The following AGAP1 variants were observed in gnomAD, a reference collection of about 807,000 sequenced individuals.
AGAP1 encodes the protein arf-GAP with GTPase, ANK repeat and PH domain-containing protein 1.
In AGAP1, 29 loss-of-function variants were observed where a neutral mutation model predicts 105.3. The observed-to-expected ratio is 0.28, with a 90% CI of 0.21 to 0.38. The LOEUF (loss-of-function observed/expected upper bound fraction) is 0.38. Among genes scored for constraint, AGAP1 ranks in the 10% least tolerant of loss-of-function variants. The probability of loss-of-function intolerance (pLI) is 1.00; values close to 1 mark genes in which losing one functional copy is unlikely to be tolerated. For synonymous variants in AGAP1, 509 were observed against 485.9 expected, an observed-to-expected ratio of 1.05 and a Z score of -0.63; for missense variants, 998 against 1,165.1, an observed-to-expected ratio of 0.86 and a Z score of 2.09.
intron 12 of AGAP1, among the ~76,000 whole-genome samples, chr2:235,939,549 C>T (rs2053158131): frequency 6.7e-6 from 1 of 148,586 alleles, no homozygotes; most frequent in African/African-American, 2.5e-5. Context: ...TTCTATTCTC[C>T]TTCTCACCAC....
intron 6 of AGAP1, among the ~76,000 whole-genome samples, chr2:235,780,026 G>A (rs561152993): frequency 9.2e-5 from 14 of 152,248 alleles, no homozygotes; most frequent in Non-Finnish European, 1.5e-4. Flanking sequence ...TTGATGAAGC[G>A]GTTCATGCAA....
At chr2:235,589,650 T>G (rs1177970352) in intron 1 of AGAP1, among the ~76,000 whole-genome samples, 1 of 152,164 alleles carries the variant, frequency 6.6e-6, no homozygotes, top group African/African-American at 2.4e-5. Flanking sequence ...ATTTTAAAAT[T>G]ATTCTGGATG....
intron 1 of AGAP1, among the ~76,000 whole-genome samples, chr2:235,534,342 G>C (rs1392921218): frequency 6.6e-6 from 1 of 152,200 alleles, no homozygotes; most frequent in Admixed American, 6.5e-5. Context: ...TCGCTGCTGT[G>C]ATGATAGGGG....
chr2:235,777,092 C>T lies in AGAP1; in HGVS notation c.674-20667C>T. 1 of 470,454 alleles carries T rather than the reference C, an allele frequency of 2.1e-6. No individual in the cohort carries two copies. The allele number at this position is 470,454 out of a possible 1,614,324, so 29.1% of individuals were successfully genotyped here. On this transcript the variant is annotated intron_variant, in intron 6 of 17. Coordinates refer to ENST00000304032, the MANE Select transcript of AGAP1 (RefSeq NM_001037131.3). This position sits in a 1 kb window ranked among gnomAD's most constrained non-coding sequence, Gnocchi z 5.1. ...ACAGAAGTGATGCTGGGCGCGGTGG[C>T]TCATGCCTGTAATTCCAGCACTTTG...
At chr2:235,573,055 TTCTTCTTTC>T in intron 1 of AGAP1, among the ~76,000 whole-genome samples, 1 of 13,852 alleles carries the variant, frequency 7.2e-5, no homozygotes, top group Non-Finnish European at 1.2e-4. Context: ...CTTCTTCTTC[TTCTTCTTTC>T]TTCTTTCTTC....
rs1668407201 is a variant in AGAP1, at chr2:236,003,468, C to CA, written c.1646-33093_1646-33092insA. On this transcript the variant is annotated intron_variant, in intron 13 of 17. Transcript: ENST00000304032. This position sits in a 1 kb window ranked among gnomAD's most constrained non-coding sequence, Gnocchi z 4.2. ...CCACCTCTGTGTGTGGTCGCACGTC[C>CA]TCCTCATGGCCACGCTGGGATGGAG... is the stretch of plus-strand genomic sequence containing the variant. Among the ~76,000 whole-genome samples the CA allele has an allele frequency of 6.6e-6, 1 of 152,214 alleles. No homozygotes were observed. Among genetic ancestry groups the CA allele is most frequent in the African/African-American group, 2.4e-5 (1 of 41,450 alleles).
chr2:235,864,273 C>A lies in AGAP1; in HGVS notation c.1051-19072C>A, dbSNP rs2049055522. ...TGTAGTCCCGTGAACTCTGCATTTTCGCAGAATGCCCCCATCATGTGAAGG... is the reference window on the plus strand; with the variant it reads ...TGTAGTCCCGTGAACTCTGCATTTTAGCAGAATGCCCCCATCATGTGAAGG... On this transcript the variant is annotated intron_variant, in intron 9 of 17. Coordinates refer to ENST00000304032, the MANE Select transcript of AGAP1 (RefSeq NM_001037131.3). The surrounding 1 kb of genome is among the most constrained non-coding windows in gnomAD (Gnocchi z 5.0). Among the ~76,000 whole-genome samples, 1 of 152,192 alleles carries A rather than the reference C, an allele frequency of 6.6e-6. No individual in the cohort carries two copies. The highest frequency in any genetic ancestry group is 2.4e-5 in the African/African-American group (1 of 41,432).
chr2:236,033,327 G>T (rs1270246449), intron 13 of AGAP1, among the ~76,000 whole-genome samples: 1 of 152,198 alleles, frequency 6.6e-6, no homozygotes, highest in African/African-American at 2.4e-5. Context: ...CTCGAAATGG[G>T]TTCTGATGTT....
chr2:235,818,870 G>A (rs544878739), intron 9 of AGAP1, among the ~76,000 whole-genome samples: 19 of 152,282 alleles, frequency 1.2e-4, no homozygotes, highest in Admixed American at 5.2e-4. Flanking sequence ...CACCATGCCC[G>A]GCCCATGGCC....
intron 1 of AGAP1, among the ~76,000 whole-genome samples, chr2:235,581,174 G>C (rs1479997208): frequency 6.6e-6 from 1 of 150,668 alleles, no homozygotes; most frequent in Admixed American, 6.6e-5. Context: ...GGGCATGGTG[G>C]TAGGTGCCTG....
At chr2:235,972,265 A>G (rs369180393) in intron 13 of AGAP1, among the ~76,000 whole-genome samples, 78 of 152,354 alleles carry the variant, frequency 5.1e-4, no homozygotes, top group African/African-American at 1.9e-3. Context: ...TATGGTTTTT[A>G]ATATACCCTA....
intron 1 of AGAP1, among the ~76,000 whole-genome samples, chr2:235,661,796 G>T (rs1947965690): frequency 6.6e-6 from 1 of 152,184 alleles, no homozygotes; most frequent in South Asian, 2.1e-4. Context: ...AGGAGCCAGG[G>T]ACAGGTGGGG....
rs1364541403 is a variant in AGAP1 at position 235,596,610 on chromosome 2, G to A, written c.163+101761G>A. ...TCCTGGTTGCAGGTGCTGTGTCATC[G>A]TATGGCTGTATTTGAGGGGATTGTG... On this transcript the variant is annotated intron_variant, in intron 1 of 17. Transcript: ENST00000304032. The surrounding 1 kb of genome is among the most constrained non-coding windows in gnomAD (Gnocchi z 5.9). Among the ~76,000 whole-genome samples, 4 of 152,172 alleles carry A rather than the reference G, an allele frequency of 2.6e-5. No individual in the cohort carries two copies. Among genetic ancestry groups the A allele is most frequent in the Non-Finnish European group, 4.4e-5 (3 of 68,020 alleles).
chr2:235,922,651 T>A (rs1247013824), intron 11 of AGAP1, among the ~76,000 whole-genome samples: 1 of 152,246 alleles, frequency 6.6e-6, no homozygotes. Context: ...CAGAACAGGC[T>A]ATTTTTAATG....
At chr2:235,743,128 C>G (rs990443950) in intron 4 of AGAP1, among the ~76,000 whole-genome samples, 29 of 152,248 alleles carry the variant, frequency 1.9e-4, no homozygotes, top group African/African-American at 6.5e-4. Flanking sequence ...GATCTCACCA[C>G]TGCACTCCAG....
intron 1 of AGAP1, among the ~76,000 whole-genome samples, chr2:235,654,528 T>C (rs1317755460): frequency 6.6e-6 from 1 of 152,216 alleles, no homozygotes; most frequent in Admixed American, 6.5e-5. Context: ...TGTCGCAGTG[T>C]AGTAAAAAGT....
rs1158623121 is a variant in AGAP1, at chr2:235,927,625, A to T, written c.1325-3140A>T. ...GGTCCCTTGTCTGGGGTTGAGATTGACTTGGCTCTCCTTACTGTGTGTTGA... is the reference window on the plus strand; with the variant it reads ...GGTCCCTTGTCTGGGGTTGAGATTGTCTTGGCTCTCCTTACTGTGTGTTGA... On this transcript the variant is annotated intron_variant, in intron 11 of 17. Transcript: ENST00000304032. The surrounding 1 kb of genome is among the most constrained non-coding windows in gnomAD (Gnocchi z 4.4). Among the ~76,000 whole-genome samples the T allele has an allele frequency of 6.6e-6, 1 of 152,160 alleles. No individual in the cohort carries two copies. Among genetic ancestry groups the T allele is most frequent in the African/African-American group, 2.4e-5 (1 of 41,428 alleles).
At position 235,946,888 on chromosome 2, in the gene AGAP1, T is replaced by TA. The variant is rs1224711638; in HGVS notation, c.1483+15966dup. ...CCTCCCCACCCTTGTGTCCACCAAATACCACCTTCACCGTGAGGCCTTTCT... is the reference window on the plus strand; with the variant it reads ...CCTCCCCACCCTTGTGTCCACCAAATAACCACCTTCACCGTGAGGCCTTTCT... On this transcript the variant is annotated intron_variant, in intron 12 of 17. Transcript: ENST00000304032. 3.9e-5 allele frequency among the ~76,000 whole-genome samples: 6 copies of TA among 152,272 alleles called. No homozygotes were observed. In the East Asian group the frequency reaches 1.2e-3, roughly 30 times the overall value.
intron 16 of AGAP1, among the ~76,000 whole-genome samples, chr2:236,097,380 C>CTTTTTTTTTTTTTTTT (rs58882083): frequency 4.1e-5 from 2 of 48,670 alleles, no homozygotes; most frequent in East Asian, 7.5e-4. Context: ...TCATCCTAAT[C>CTTTTTTTTTTTTTTTT]TTTTTTTTTT....
Sources: gnomAD v4.1 joint callset for allele counts (sites outside exome capture counted in the v4.1 genomes callset) on GRCh38, gnomAD v4.1.1 for gene constraint, Gnocchi (gnomAD v3.1) non-coding constraint, MANE v1.5 for transcripts, NCBI Gene and HGNC (gene_info 2026-07-23, HGNC 2026-07-21) for gene names.